Variants in RFC1 observed in about 807,000 individuals in gnomAD.
RFC1 encodes replication factor C subunit 1.
A neutral mutation model predicts 137.4 loss-of-function variants in RFC1; 37 were observed. That is an observed-to-expected ratio of 0.27 (90% CI 0.21 to 0.35). The LOEUF (loss-of-function observed/expected upper bound fraction) is 0.35. Among genes scored for constraint, RFC1 ranks in the 10% least tolerant of loss-of-function variants. RFC1 has a pLI of 1.00. For missense variants in RFC1, 1,205 were observed against 1,358.5 expected (o/e 0.89, Z 1.78); for synonymous variants, 429 against 455.7 (o/e 0.94, Z 0.75).
Position 39,300,131 on chromosome 4 carries a change from T to C in RFC1, c.2698A>G (p.Met900Val), listed in dbSNP as rs1307850428. Residue 900 changes from methionine (M) to valine (V), a missense_variant, in exon 21 of 25, where the codon ATG becomes GTG. Physicochemically the swap from Met to Val is conservative, Grantham distance 21. Transcript: ENST00000349703. ...HVKPVAAGGDMKKHLMLLSRA... is the reference protein window; with the variant it reads ...HVKPVAAGGDVKKHLMLLSRA... ...CTTAAAAGCATCAGGTGCTTTTTCA[T>C]GTCACCCCTGCAGGAAAGAACCAGT... is the stretch of plus-strand genomic sequence containing the variant. The C allele has an allele frequency of 1.1e-5, 17 of 1,613,814 alleles. No individual in the cohort carries two copies. The highest frequency in any genetic ancestry group is 1.4e-5 in the Non-Finnish European group (17 of 1,179,706).
chr4:39,337,021 T>A (rs1433604457), intron 4 of RFC1, among the ~76,000 whole-genome samples: 1 of 152,120 alleles, frequency 6.6e-6, no homozygotes. Context: ...CATCCAAAGA[T>A]CTAGATTCTT....
intron 1 of RFC1, among the ~76,000 whole-genome samples, chr4:39,354,749 C>CAAAAAAAAAAAAAAAAAAAAAAAAAAA: frequency 2.0e-5 from 1 of 51,008 alleles, no homozygotes; most frequent in Non-Finnish European, 3.6e-5. Flanking sequence ...GAAACTATCT[C>CAAAAAAAAAAAAAAAAAAAAAAAAAAA]AAAAAAAAAA....
intron 4 of RFC1, among the ~76,000 whole-genome samples, chr4:39,331,221 G>A (rs1384274727): frequency 1.3e-5 from 2 of 152,086 alleles, no homozygotes; most frequent in South Asian, 2.1e-4. Flanking sequence ...ATTTTATAAT[G>A]TTTATTTGCT....
intron 5 of RFC1, among the ~76,000 whole-genome samples, chr4:39,327,263 T>G (rs17288111): frequency 1.1e-4 from 17 of 152,240 alleles, no homozygotes; most frequent in Admixed American, 7.2e-4. Context: ...TTCTGAGAAC[T>G]CAATTTAAAT....
Position 39,353,397 on chromosome 4 carries a change from C to CAAAAAA in RFC1, c.4-1927_4-1922dup, listed in dbSNP as rs11416030. 1.5e-3 allele frequency among the ~76,000 whole-genome samples: 96 copies of CAAAAAA among 63,264 alleles called. 2 individuals carry two copies. The highest frequency in any genetic ancestry group is 6.7e-3 in the East Asian group (13 of 1,936). 41.5% of individuals were successfully genotyped at this position (63,264 alleles called of 152,430 possible). A position where few individuals can be genotyped will look rare whatever the true frequency, so the allele number is the denominator to read the frequency against. On this transcript the variant is annotated intron_variant, in intron 1 of 24. Transcript: ENST00000349703. ...CCTGGGCGACAGAACGAGACTGTCTCAAAAAAAAAAAAAAAAAAAAAAATT... is the reference window on the plus strand; with the variant it reads ...CCTGGGCGACAGAACGAGACTGTCTCAAAAAAAAAAAAAAAAAAAAAAAAAAAAATT...
At position 39,320,457 on chromosome 4, in the gene RFC1, T is replaced by G. The variant is rs1739461415; in HGVS notation, c.1021A>C (p.Lys341Gln). The stretch of plus-strand genomic sequence containing the variant: ...CCTTTCAATTTAATGGCATTTTCTT[T>G]TCTTTTTGAGGCCACAGGCTCTATT... ...KEIEPVASKR[K>Q]ENAIKLKGET... is the part of the protein sequence containing the mutation. The change falls in exon 9 of 25, where the codon AAA becomes CAA. Residue 341 changes from lysine (K) to glutamine (Q), a missense_variant. This residue lies in a region of RFC1 where 962 missense variants were observed against 1,035.3 expected (regional missense o/e 0.93). Coordinates refer to ENST00000349703, the MANE Select transcript of RFC1 (RefSeq NM_002913.5). 1 of 1,589,864 alleles carries G rather than the reference T, an allele frequency of 6.3e-7. No homozygotes were observed. The highest frequency in any genetic ancestry group is 1.2e-5 in the South Asian group (1 of 84,614).
chr4:39,308,007 T>C (rs1371151955), intron 13 of RFC1, among the ~76,000 whole-genome samples: 1 of 152,166 alleles, frequency 6.6e-6, no homozygotes, highest in African/African-American at 2.4e-5. Context: ...ATTGGAGCTT[T>C]TCACTCTCCA....
At chr4:39,296,264 T>A (rs1179365377) in intron 21 of RFC1, among the ~76,000 whole-genome samples, 13 of 125,208 alleles carry the variant, frequency 1.0e-4, no homozygotes, top group East Asian at 6.6e-4. Context: ...TTTTTTTTTT[T>A]ATTATACTTT....
chr4:39,301,543 A>T (rs533331769), intron 19 of RFC1, among the ~76,000 whole-genome samples: 2 of 152,326 alleles, frequency 1.3e-5, no homozygotes, highest in Admixed American at 6.5e-5. Context: ...GACATGAAGT[A>T]TGTGAGAACT....
intron 1 of RFC1, chr4:39,365,330 G>T: frequency 1.3e-5 from 4 of 300,554 alleles, no homozygotes; most frequent in Non-Finnish European, 1.4e-5. Context: ...CCCCCAGAAT[G>T]TTGTCACTGT....
chr4:39,298,495 TA>T (rs1228535660), intron 21 of RFC1, among the ~76,000 whole-genome samples: 1 of 152,154 alleles, frequency 6.6e-6, no homozygotes, highest in Non-Finnish European at 1.5e-5. Flanking sequence ...ATAACTCTCT[TA>T]ATTACAAATG....
In RFC1 at chr4:39,289,949, T is replaced by C; in HGVS notation, c.3259A>G (p.Ser1087Gly). 1 of 1,613,246 alleles carries C rather than the reference T, an allele frequency of 6.2e-7. No homozygotes were observed. Among genetic ancestry groups the C allele is most frequent in the Non-Finnish European group, 8.5e-7 (1 of 1,179,208 alleles). ...TTGTATTCCGAATCCAGGGATGGGC[T>C]TGTGCTGTGTCTAGATGCCTTTATA... is the stretch of plus-strand genomic sequence containing the variant. ...QAIKASRHST[S>G]PSLDSEYNEE... The change falls in exon 24 of 25, where the codon AGC (serine) becomes GGC (glycine). Residue 1087 changes from serine (S) to glycine (G), a missense_variant. Ser to Gly is a moderately conservative substitution (Grantham distance 56, BLOSUM62 0). Coordinates refer to ENST00000349703, the MANE Select transcript of RFC1 (RefSeq NM_002913.5).
At chr4:39,293,989 C>CGTCT (rs1737838001) in intron 22 of RFC1, among the ~76,000 whole-genome samples, 1 of 152,188 alleles carries the variant, frequency 6.6e-6, no homozygotes. Context: ...CATCCTCAGA[C>CGTCT]CTTTCTGACT....
At chr4:39,296,178 T>A (rs1003594879) in intron 21 of RFC1, among the ~76,000 whole-genome samples, 1 of 152,140 alleles carries the variant, frequency 6.6e-6, no homozygotes, top group Non-Finnish European at 1.5e-5. Flanking sequence ...AACTGGCATT[T>A]GAGAAAAGTT....
At chr4:39,353,678 G>T (rs1023580687) in intron 1 of RFC1, among the ~76,000 whole-genome samples, 1 of 152,062 alleles carries the variant, frequency 6.6e-6, no homozygotes, top group Non-Finnish European at 1.5e-5. Flanking sequence ...AATGAGTTTC[G>T]TATCAGTTTC....
At chr4:39,301,654 TA>T (rs1213231897) in intron 19 of RFC1, among the ~76,000 whole-genome samples, 8 of 152,074 alleles carry the variant, frequency 5.3e-5, no homozygotes, top group African/African-American at 1.9e-4. Flanking sequence ...CTCTAAAAAA[TA>T]AAGCGTATAG....
rs117705500 is a variant in RFC1 at position 39,342,980 on chromosome 4, A to G, written c.209-513T>C. ...CTCTAAACCCTTTTTCTACCTCCCT[A>G]TTCCTTGTGACTACACTGAGCCCAT... On this transcript the variant is annotated intron_variant, in intron 3 of 24. Transcript: ENST00000349703. Among the ~76,000 whole-genome samples, 16 of 152,106 alleles carry G rather than the reference A, an allele frequency of 1.1e-4. No individual in the cohort carries two copies. The East Asian group carries it at 3.1e-3, about 29-fold the overall frequency.
chr4:39,326,504 G>A (rs1265583716), intron 6 of RFC1, 59 bp downstream of exon 6: 5 of 1,379,082 alleles, frequency 3.6e-6, no homozygotes, highest in Non-Finnish European at 5.1e-6. Context: ...AAACCTGGCT[G>A]GACTAAATAG....
Position 39,311,515 on chromosome 4 carries a change from T to C in RFC1, c.1418A>G (p.Asp473Gly). The C allele has an allele frequency of 6.2e-7, 1 of 1,614,074 alleles. No individual in the cohort carries two copies. Among genetic ancestry groups the C allele is most frequent in the South Asian group, 1.1e-5 (1 of 91,080 alleles). Reference protein sequence around the residue: ...AALGTKIIDEDGLLNLIRTMP... With the variant: ...AALGTKIIDEGGLLNLIRTMP... ...AGTCCGAATCAGATTCAACAGGCCA[T>C]CTTCATCAATAATTTTTGTCCCCAA... The change falls in exon 12 of 25, where the codon GAT becomes GGT. Residue 473 changes from aspartate to glycine, a missense_variant. By Grantham distance (94) the Asp-to-Gly change is moderately conservative (BLOSUM62 -1). Coordinates refer to ENST00000349703, the MANE Select transcript of RFC1 (RefSeq NM_002913.5).
Sources: gnomAD v4.1 joint callset for allele counts (sites outside exome capture counted in the v4.1 genomes callset) on GRCh38, gnomAD v4.1.1 for gene constraint, gnomAD v4.1.1 regional missense constraint, MANE v1.5 for transcripts, NCBI Gene and HGNC (gene_info 2026-07-23, HGNC 2026-07-21) for gene names.